The following ASAP1 variants were observed in gnomAD, a reference collection of about 807,000 sequenced individuals.
ASAP1 encodes arf-GAP with SH3 domain, ANK repeat and PH domain-containing protein 1.
A neutral mutation model predicts 145.2 loss-of-function variants in ASAP1; 43 were observed. The observed-to-expected ratio is 0.30, with a 90% CI of 0.23 to 0.38. ASAP1 has a LOEUF of 0.38. ASAP1 is among the 10% of genes least tolerant of loss of function. The pLI is 1.00. For synonymous variants in ASAP1, 546 were observed against 515.5 expected (o/e 1.06, Z -0.80); for missense variants, 1,018 against 1,355.3 (o/e 0.75, Z 3.91).
chr8:130,057,899 T>C lies in ASAP1; in HGVS notation c.3315+55A>G, dbSNP rs1204006492. Reference sequence around the variant, plus strand: ...TGTCTGTAGGCTCCAATGTGGTGCCTGCCCAGGCATGCTGTATGAATGTAC... The same window carrying C: ...TGTCTGTAGGCTCCAATGTGGTGCCCGCCCAGGCATGCTGTATGAATGTAC... On this transcript the variant is annotated intron_variant, in intron 29 of 29. Transcript: ENST00000518721. 37 of 1,600,626 alleles carry C rather than the reference T, an allele frequency of 2.3e-5. No homozygotes were observed. In the East Asian group the frequency reaches 7.4e-4, roughly 32 times the overall value.
At chr8:130,412,430 G>A (rs1586998518) in intron 1 of ASAP1, among the ~76,000 whole-genome samples, 1 of 151,832 alleles carries the variant, frequency 6.6e-6, no homozygotes, top group African/African-American at 2.4e-5. Context: ...TGGGCCATGT[G>A]ACGTGCCTGT....
chr8:130,242,094 A>T (rs915164748), intron 3 of ASAP1, among the ~76,000 whole-genome samples: 1 of 151,976 alleles, frequency 6.6e-6, no homozygotes, highest in Non-Finnish European at 1.5e-5. Context: ...CATTCAATAC[A>T]TTAATGTGCC....
intron 5 of ASAP1, among the ~76,000 whole-genome samples, chr8:130,191,141 A>G (rs1339259210): frequency 6.6e-6 from 1 of 152,004 alleles, no homozygotes; most frequent in Non-Finnish European, 1.5e-5. Context: ...GGAGAAGGAA[A>G]TGGAGATGGA....
intron 5 of ASAP1, among the ~76,000 whole-genome samples, chr8:130,210,036 ATAACATT>A (rs1203033178): frequency 6.6e-6 from 1 of 152,226 alleles, no homozygotes; most frequent in Non-Finnish European, 1.5e-5. Context: ...CACACCGTTA[ATAACATT>A]TAAGGAAGGA....
At chr8:130,056,393 A>G (rs1001745063) in intron 29 of ASAP1, among the ~76,000 whole-genome samples, 1 of 152,204 alleles carries the variant, frequency 6.6e-6, no homozygotes, top group Non-Finnish European at 1.5e-5. Context: ...CAGTTTCTCA[A>G]CCATGGTGCT....
intron 1 of ASAP1, among the ~76,000 whole-genome samples, chr8:130,423,063 G>A (rs1333848053): frequency 1.3e-5 from 2 of 152,210 alleles, no homozygotes; most frequent in East Asian, 1.9e-4. Context: ...ACTAAATTGC[G>A]CCATTGGTTT....
chr8:130,333,028 G>T (rs192653550), intron 3 of ASAP1, among the ~76,000 whole-genome samples: 55 of 152,066 alleles, frequency 3.6e-4, no homozygotes, highest in African/African-American at 1.3e-3. Context: ...AGCACAAAGC[G>T]GTTCAATCTT....
chr8:130,076,672 C>A (rs1007036392), intron 26 of ASAP1, among the ~76,000 whole-genome samples: 11 of 152,064 alleles, frequency 7.2e-5, no homozygotes, highest in Non-Finnish European at 1.5e-4. Context: ...AGGTGCCCAC[C>A]ACCACACCCG....
intron 11 of ASAP1, chr8:130,160,195 G>C: frequency 2.0e-6 from 1 of 506,934 alleles, no homozygotes; most frequent in East Asian, 3.5e-5. Context: ...CTGATTTCTA[G>C]TTCAAAACCC....
At chr8:130,061,178 A>C in intron 27 of ASAP1, 109 bp from the exon 28 acceptor site, 1 of 1,340,174 alleles carries the variant, frequency 7.5e-7, no homozygotes, top group Non-Finnish European at 9.9e-7. Context: ...TATAGTGAGC[A>C]CTTGAAATGG....
intron 7 of ASAP1, among the ~76,000 whole-genome samples, chr8:130,184,287 G>C (rs1472775349): frequency 6.6e-6 from 1 of 152,172 alleles, no homozygotes; most frequent in Non-Finnish European, 1.5e-5. Context: ...GTCTATGCAA[G>C]GGAATGTAAT....
At chr8:130,417,871 G>A (rs916395174) in intron 1 of ASAP1, among the ~76,000 whole-genome samples, 1 of 152,202 alleles carries the variant, frequency 6.6e-6, no homozygotes, top group East Asian at 1.9e-4. Context: ...GGAAAGCCTC[G>A]CTGTACTGGT....
intron 24 of ASAP1, among the ~76,000 whole-genome samples, chr8:130,110,534 C>G (rs1299887573): frequency 6.6e-6 from 1 of 152,170 alleles, no homozygotes; most frequent in Non-Finnish European, 1.5e-5. Flanking sequence ...CACTACAGAC[C>G]TGCAGCTTGA....
chr8:130,405,422 T>G (rs1030816333), intron 1 of ASAP1, among the ~76,000 whole-genome samples: 1 of 152,222 alleles, frequency 6.6e-6, no homozygotes, highest in African/African-American at 2.4e-5. Context: ...TGCTGCCCCA[T>G]GAGTCTGTGA....
chr8:130,140,398 C>T (rs2097607713), intron 13 of ASAP1, among the ~76,000 whole-genome samples: 1 of 151,260 alleles, frequency 6.6e-6, no homozygotes, highest in African/African-American at 2.4e-5. Flanking sequence ...TTTGGGGGTA[C>T]ATGTGAATGT....
At chr8:130,374,391 T>G (rs993035619) in intron 2 of ASAP1, among the ~76,000 whole-genome samples, 1 of 152,220 alleles carries the variant, frequency 6.6e-6, no homozygotes, top group African/African-American at 2.4e-5. Flanking sequence ...AGGATAGGGC[T>G]GGGACCAGTG....
At chr8:130,189,836 A>C (rs895328078) in intron 5 of ASAP1, among the ~76,000 whole-genome samples, 3 of 151,980 alleles carry the variant, frequency 2.0e-5, no homozygotes, top group African/African-American at 7.2e-5. Context: ...TTTTTTTATA[A>C]AAGCCATTTT....
At chr8:130,326,240 T>C (rs1824320596) in intron 3 of ASAP1, among the ~76,000 whole-genome samples, 1 of 152,142 alleles carries the variant, frequency 6.6e-6, no homozygotes, top group African/African-American at 2.4e-5. Context: ...ATGAGAGAAG[T>C]CCCAGCATGC....
intron 1 of ASAP1, among the ~76,000 whole-genome samples, chr8:130,426,413 A>G (rs76176620): frequency 1.5e-5 from 2 of 131,064 alleles, no homozygotes; most frequent in Admixed American, 7.9e-5. Context: ...ACTGGTTAGG[A>G]AAAAAAAAAA....
Sources: gnomAD v4.1 joint callset for allele counts (sites outside exome capture counted in the v4.1 genomes callset) on GRCh38, gnomAD v4.1.1 for gene constraint, MANE v1.5 for transcripts, NCBI Gene and HGNC (gene_info 2026-07-23, HGNC 2026-07-21) for gene names.